The following PRKCB variants were observed in gnomAD, a reference collection of about 807,000 sequenced individuals.
PRKCB encodes protein kinase C beta, also known as protein kinase C beta type.
PRKCB carries 13 observed loss-of-function variants against 81.5 expected under a neutral mutation model. That is an observed-to-expected ratio of 0.16 (90% confidence interval 0.10 to 0.25). The LOEUF is 0.25. Ranked by LOEUF, PRKCB falls within the 10% of genes least tolerant of loss-of-function variation. PRKCB has a pLI of 1.00. For missense variants in PRKCB, 509 were observed against 875.7 expected (o/e 0.58, Z 5.29); for synonymous variants, 335 against 321.4 (o/e 1.04, Z -0.45).
chr16:23,843,699 A>AT (rs904925730), intron 2 of PRKCB, among the ~76,000 whole-genome samples: 41 of 151,268 alleles, frequency 2.7e-4, no homozygotes, highest in African/African-American at 9.9e-4. Context: ...TTAGGATATA[A>AT]TTTTTAAAAA....
rs1273148275 is a variant in PRKCB, at chr16:24,215,402, A to G, written c.*586A>G. On this transcript the variant is annotated 3_prime_UTR_variant, in exon 17 of 17. Transcript: ENST00000643927. ...AAGAATGTGCTTTTAGACGGTCTCA[A>G]TCTAAAAGCACTTCAAGGGGTCAAA... 2.0e-6 allele frequency: 2 copies of G among 985,908 alleles called. No homozygotes were observed. Among genetic ancestry groups the G allele is most frequent in the African/African-American group, 3.5e-5 (2 of 57,238 alleles). The allele number at this position is 985,908 out of a possible 1,614,324, so 61.1% of individuals were successfully genotyped here.
intron 3 of PRKCB, among the ~76,000 whole-genome samples, chr16:24,030,036 A>G (rs1253196868): frequency 6.6e-6 from 1 of 152,146 alleles, no homozygotes; most frequent in Non-Finnish European, 1.5e-5. Context: ...AGTAGCTGGG[A>G]CTACAGGCAT....
At chr16:24,020,997 T>C (rs980575005) in intron 3 of PRKCB, among the ~76,000 whole-genome samples, 5 of 131,052 alleles carry the variant, frequency 3.8e-5, no homozygotes, top group African/African-American at 1.5e-4. Flanking sequence ...TCTTTCTTTC[T>C]TTCTTTCTTT....
rs187883720 is a variant in PRKCB, at chr16:23,903,332, T to C, written c.205+65926T>C. Among the ~76,000 whole-genome samples, 140 of 151,982 alleles carry C rather than the reference T, an allele frequency of 9.2e-4. 3 individuals carry two copies. In the Middle Eastern group the frequency reaches 0.01, roughly 11 times the overall value. ...GTGATAGAGATTCTCCTGGTTTCTG[T>C]CCTAGTTTTTTCTAAGCGTATGGAG... On this transcript the variant is annotated intron_variant, in intron 2 of 16. Coordinates refer to ENST00000643927, the MANE Select transcript of PRKCB (RefSeq NM_002738.7).
intron 10 of PRKCB, among the ~76,000 whole-genome samples, chr16:24,157,110 T>G (rs1967172581): frequency 6.6e-6 from 1 of 152,216 alleles, no homozygotes; most frequent in African/African-American, 2.4e-5. Flanking sequence ...TATTTCAATA[T>G]GCTTTCTGGA....
chr16:24,214,633 A>T (rs1368035013), intron 16 of PRKCB, 25 bp from the exon 17 acceptor site: 2 of 1,595,526 alleles, frequency 1.3e-6, no homozygotes, highest in Admixed American at 1.7e-5. Context: ...CACCCACCAC[A>T]AGTTCTTTTC....
At chr16:23,869,417 C>G (rs1182198069) in intron 2 of PRKCB, 1 of 234,714 alleles carries the variant, frequency 4.3e-6, no homozygotes, top group African/African-American at 2.3e-5. Flanking sequence ...ATTGCACTTA[C>G]CTACCAAAAG....
chr16:24,176,472 C>T (rs1034982871), intron 12 of PRKCB, among the ~76,000 whole-genome samples: 3 of 152,172 alleles, frequency 2.0e-5, no homozygotes. Flanking sequence ...CCCATGTTTG[C>T]CCTCAATGAA....
chr16:24,059,177 C>A (rs556966076), intron 5 of PRKCB, among the ~76,000 whole-genome samples: 1 of 152,182 alleles, frequency 6.6e-6, no homozygotes, highest in South Asian at 2.1e-4. Context: ...ATCCAGAGAT[C>A]CGATTGGAAA....
chr16:24,146,922 A>G (rs1966998555), intron 9 of PRKCB, among the ~76,000 whole-genome samples: 2 of 152,146 alleles, frequency 1.3e-5, no homozygotes, highest in Non-Finnish European at 2.9e-5. Flanking sequence ...TTAATAAGAG[A>G]TCATTTCCAT....
intron 16 of PRKCB, among the ~76,000 whole-genome samples, chr16:24,212,185 AC>A (rs1567414659): frequency 6.6e-6 from 1 of 152,032 alleles, no homozygotes; most frequent in Non-Finnish European, 1.5e-5. Context: ...CTTGGCTGAT[AC>A]TGTTCTCTCC....
At chr16:24,173,913 T>C (rs1424737132) in intron 11 of PRKCB, among the ~76,000 whole-genome samples, 1 of 152,210 alleles carries the variant, frequency 6.6e-6, no homozygotes, top group Non-Finnish European at 1.5e-5. Context: ...AGGTAATGCC[T>C]AAAATGGTGC....
intron 15 of PRKCB, among the ~76,000 whole-genome samples, chr16:24,189,535 G>A (rs970572055): frequency 6.6e-6 from 1 of 151,670 alleles, no homozygotes; most frequent in East Asian, 1.9e-4. Context: ...CCAGCTACTC[G>A]GGAGGCTGAG....
intron 3 of PRKCB, among the ~76,000 whole-genome samples, chr16:24,005,529 G>A (rs1232124101): frequency 6.6e-6 from 1 of 152,146 alleles, no homozygotes; most frequent in African/African-American, 2.4e-5. Context: ...GGCGTAATCG[G>A]GAGTCACTTA....
At chr16:23,954,161 C>A (rs1964320674) in intron 2 of PRKCB, among the ~76,000 whole-genome samples, 1 of 152,020 alleles carries the variant, frequency 6.6e-6, no homozygotes, top group Non-Finnish European at 1.5e-5. Flanking sequence ...GTTGACCAGG[C>A]TGGTCTTGAA....
chr16:23,857,690 G>C (rs1234240880), intron 2 of PRKCB, among the ~76,000 whole-genome samples: 1 of 151,884 alleles, frequency 6.6e-6, no homozygotes, highest in East Asian at 1.9e-4. Flanking sequence ...GCTTGTCCCT[G>C]CTTGAGGATG....
In PRKCB at chr16:24,218,929, C is replaced by T. The variant is rs8056058; in HGVS notation, c.*4113C>T. The T allele has an allele frequency of 5.0e-4, 490 of 985,416 alleles. 1 individual carries two copies. The African/African-American group carries it at 8.0e-3, about 16-fold the overall frequency. 61.0% of individuals were successfully genotyped at this position (985,416 alleles called of 1,614,324 possible). On this transcript the variant is annotated 3_prime_UTR_variant, in exon 17 of 17. Coordinates refer to ENST00000643927, the MANE Select transcript of PRKCB (RefSeq NM_002738.7). Reference sequence around the variant, plus strand: ...ATGTGGTCAGGTAAAAATCAGGAACCCACTGAAATCTTGGGCAAGCCACCC... The same window carrying T: ...ATGTGGTCAGGTAAAAATCAGGAACTCACTGAAATCTTGGGCAAGCCACCC...
intron 7 of PRKCB, among the ~76,000 whole-genome samples, chr16:24,111,878 G>A (rs1966680360): frequency 6.6e-6 from 1 of 152,174 alleles, no homozygotes; most frequent in Non-Finnish European, 1.5e-5. Flanking sequence ...AATGCCAAGT[G>A]CTGTGCTTAT....
At chr16:24,089,328 T>C (rs1966346559) in intron 5 of PRKCB, among the ~76,000 whole-genome samples, 1 of 152,188 alleles carries the variant, frequency 6.6e-6, no homozygotes, top group Admixed American at 6.5e-5. Flanking sequence ...TCATGAGTCC[T>C]CTGAGTAATT....
Sources: gnomAD v4.1 joint callset for allele counts (sites outside exome capture counted in the v4.1 genomes callset) on GRCh38, gnomAD v4.1.1 for gene constraint, MANE v1.5 for transcripts, NCBI Gene and HGNC (gene_info 2026-07-23, HGNC 2026-07-21) for gene names.